The following SH3PXD2A variants were observed in gnomAD, a reference collection of about 807,000 sequenced individuals.
SH3PXD2A encodes SH3 and PX domains 2A.
A neutral mutation model predicts 115.2 loss-of-function variants in SH3PXD2A; 32 were observed. The observed-to-expected ratio is 0.28, with a 90% CI of 0.21 to 0.37. SH3PXD2A has a LOEUF of 0.37. Ranked by LOEUF, SH3PXD2A falls within the 10% of genes least tolerant of loss-of-function variation. SH3PXD2A has a pLI of 1.00. For synonymous variants in SH3PXD2A, 610 were observed against 629.1 expected (o/e 0.97, Z 0.45); for missense variants, 1,328 against 1,498.7 (o/e 0.89, Z 1.88).
At chr10:103,626,649 G>A (rs1442674923) in intron 9 of SH3PXD2A, among the ~76,000 whole-genome samples, 1 of 151,780 alleles carries the variant, frequency 6.6e-6, no homozygotes, top group Admixed American at 6.6e-5. Context: ...AGGAAGGGCT[G>A]GGTGCGGTGG....
rs369017802 is a variant in SH3PXD2A at position 103,620,717 on chromosome 10, AAGAGAG to A, written c.802+1747_802+1752del. On this transcript the variant is annotated intron_variant, in intron 10 of 14. Transcript: ENST00000369774. This position sits in a 1 kb window ranked among gnomAD's most constrained non-coding sequence, Gnocchi z 5.3. ...ATTATGTTGTTTAGGTCTCTTATTTAAGAGAGAGAGAGAGAGAGAGCAAGAGCTGGG... is the reference window on the plus strand; with the variant it reads ...ATTATGTTGTTTAGGTCTCTTATTTAAGAGAGAGAGAGAGCAAGAGCTGGG... 2.7e-5 allele frequency among the ~76,000 whole-genome samples: 4 copies of A among 149,242 alleles called. No individual in the cohort carries two copies. The highest frequency in any genetic ancestry group is 6.7e-5 in the Admixed American group (1 of 14,968).
chr10:103,647,843 C>A (rs73333333), intron 8 of SH3PXD2A, among the ~76,000 whole-genome samples: 2,904 of 152,236 alleles, frequency 0.019, 89 homozygotes, highest in African/African-American at 0.065. Flanking sequence ...GGAGCAGCGT[C>A]GTTCATGCCC....
At chr10:103,816,231 T>G (rs190081054) in intron 1 of SH3PXD2A, among the ~76,000 whole-genome samples, 7 of 152,368 alleles carry the variant, frequency 4.6e-5, no homozygotes, top group Admixed American at 2.6e-4. Context: ...CATTTCATTA[T>G]GTATTGTGTA....
chr10:103,692,150 C>G (rs1453651965), intron 6 of SH3PXD2A, among the ~76,000 whole-genome samples: 1 of 152,212 alleles, frequency 6.6e-6, no homozygotes, highest in African/African-American at 2.4e-5. Context: ...CAGTCTGTCC[C>G]CGCCCCCACT....
At chr10:103,853,541 C>G (rs1197797563) in intron 1 of SH3PXD2A, among the ~76,000 whole-genome samples, 1 of 152,208 alleles carries the variant, frequency 6.6e-6, no homozygotes, top group Non-Finnish European at 1.5e-5. Flanking sequence ...AGGCTTTGAG[C>G]AAGACCGTCT....
At chr10:103,624,950 C>T (rs1046771678) in intron 9 of SH3PXD2A, among the ~76,000 whole-genome samples, 1 of 152,202 alleles carries the variant, frequency 6.6e-6, no homozygotes, top group African/African-American at 2.4e-5. Flanking sequence ...AATTGGCACA[C>T]AGGCCCTGTC....
chr10:103,617,098 C>T, intron 11 of SH3PXD2A, 99 bp downstream of exon 11: 1 of 786,570 alleles, frequency 1.3e-6, no homozygotes, highest in Non-Finnish European at 2.3e-6. Flanking sequence ...ACAAAGCTGT[C>T]AGTATCTACC....
intron 3 of SH3PXD2A, among the ~76,000 whole-genome samples, chr10:103,761,977 G>A (rs1385460434): frequency 6.6e-6 from 1 of 150,806 alleles, no homozygotes; most frequent in Admixed American, 6.6e-5. Context: ...GAGTGGCTAG[G>A]ATAAGGCTAG....
At chr10:103,683,950 A>T (rs3781336) in intron 6 of SH3PXD2A, among the ~76,000 whole-genome samples, 19,225 of 152,192 alleles carry the variant, frequency 0.13, 1,493 homozygotes, top group East Asian at 0.32. Flanking sequence ...GCCAGGAGCC[A>T]ACAAACTATT....
chr10:103,681,939 T>C (rs58145565), intron 6 of SH3PXD2A, among the ~76,000 whole-genome samples: 11,692 of 152,166 alleles, frequency 0.077, 579 homozygotes, highest in South Asian at 0.14. Flanking sequence ...TGCAGATACC[T>C]GGGCGTCACT....
chr10:103,814,076 C>T (rs1013022881), intron 1 of SH3PXD2A, among the ~76,000 whole-genome samples: 1 of 150,794 alleles, frequency 6.6e-6, no homozygotes, highest in East Asian at 2.0e-4. Context: ...ATTTGTACTA[C>T]TAAGAGTCAG....
chr10:103,789,368 C>T (rs1381756661), intron 2 of SH3PXD2A, among the ~76,000 whole-genome samples: 1 of 152,208 alleles, frequency 6.6e-6, no homozygotes, highest in East Asian at 1.9e-4. Context: ...GGCTCTTTCA[C>T]CCAGGATGAC....
intron 3 of SH3PXD2A, among the ~76,000 whole-genome samples, chr10:103,749,275 G>T (rs868444815): frequency 1.3e-5 from 2 of 152,160 alleles, no homozygotes; most frequent in Non-Finnish European, 2.9e-5. Flanking sequence ...GAACACAGGG[G>T]TGAAGACCAG....
At chr10:103,811,094 C>T (rs2039266171) in intron 1 of SH3PXD2A, among the ~76,000 whole-genome samples, 1 of 152,162 alleles carries the variant, frequency 6.6e-6, no homozygotes. Flanking sequence ...CAGGAGCGTC[C>T]GCTGAAAGGA....
chr10:103,776,550 A>G (rs1459246371), intron 2 of SH3PXD2A, among the ~76,000 whole-genome samples: 1 of 151,756 alleles, frequency 6.6e-6, no homozygotes, highest in Non-Finnish European at 1.5e-5. Context: ...TGATTGTCTC[A>G]CAGTCCTGGA....
intron 3 of SH3PXD2A, among the ~76,000 whole-genome samples, chr10:103,738,956 G>A (rs951262974): frequency 5.5e-5 from 8 of 146,552 alleles, no homozygotes; most frequent in East Asian, 2.0e-4. Flanking sequence ...CACCACACCC[G>A]GCTGATTTTG....
intron 9 of SH3PXD2A, among the ~76,000 whole-genome samples, chr10:103,623,349 G>C (rs2036639491): frequency 1.3e-5 from 2 of 152,084 alleles, no homozygotes; most frequent in East Asian, 3.9e-4. Flanking sequence ...GCTGCTGCTT[G>C]GCTCTGAGCC....
rs2036117494 is a variant in SH3PXD2A, at chr10:103,595,306, C to G, written c.*6510G>C. 1 of 152,216 alleles carries G rather than the reference C, an allele frequency of 6.6e-6. No individual in the cohort carries two copies. Among genetic ancestry groups the G allele is most frequent in the South Asian group, 2.1e-4 (1 of 4,836 alleles). The allele number at this position is 152,216 out of a possible 1,614,324, so 9.4% of individuals were successfully genotyped here. On this transcript the variant is annotated 3_prime_UTR_variant, in exon 15 of 15. Coordinates refer to ENST00000369774, the MANE Select transcript of SH3PXD2A (RefSeq NM_001394015.1). ...TTAAATCACTAAATTCCCTTTCTACCTGCTCTCTTCTTCCTGAAACACTCA... is the reference window on the plus strand; with the variant it reads ...TTAAATCACTAAATTCCCTTTCTACGTGCTCTCTTCTTCCTGAAACACTCA...
chr10:103,681,351 G>A (rs534321248), intron 6 of SH3PXD2A, among the ~76,000 whole-genome samples: 1 of 152,272 alleles, frequency 6.6e-6, no homozygotes, highest in South Asian at 2.1e-4. Context: ...CATTCATCTT[G>A]GGGATGCCAA....
Sources: gnomAD v4.1 joint callset for allele counts (sites outside exome capture counted in the v4.1 genomes callset) on GRCh38, gnomAD v4.1.1 for gene constraint, Gnocchi (gnomAD v3.1) non-coding constraint, MANE v1.5 for transcripts, NCBI Gene and HGNC (gene_info 2026-07-23, HGNC 2026-07-21) for gene names.